Variants in LAMA2 observed in about 807,000 individuals in gnomAD.
LAMA2 encodes laminin subunit alpha-2.
In LAMA2, 269 loss-of-function variants were observed where a neutral mutation model predicts 364.8. The ratio of observed to expected loss-of-function variants is 0.74; its 90% CI spans 0.67 to 0.82. The LOEUF (loss-of-function observed/expected upper bound fraction) is 0.82. Ranked by LOEUF, LAMA2 falls within the 40% of genes least tolerant of loss-of-function variation. The pLI is 0.00. For missense variants in LAMA2, 3,807 were observed against 3,873.2 expected, an observed-to-expected ratio of 0.98 and a Z score of 0.45; for synonymous variants, 1,379 against 1,370.6, an observed-to-expected ratio of 1.01 and a Z score of -0.14.
intron 10 of LAMA2, among the ~76,000 whole-genome samples, chr6:129,186,199 G>A (rs1021194193): frequency 7.3e-5 from 11 of 151,056 alleles, no homozygotes; most frequent in African/African-American, 2.7e-4. Context: ...TTGAAGTATA[G>A]ATAAACAAAA....
chr6:129,508,838 T>A (rs1222602591), intron 62 of LAMA2, among the ~76,000 whole-genome samples: 1 of 152,124 alleles, frequency 6.6e-6, no homozygotes, highest in Non-Finnish European at 1.5e-5. Context: ...AGTGCAGATA[T>A]CTCTTCAATA....
At chr6:129,434,727 C>G (rs558388371) in intron 41 of LAMA2, among the ~76,000 whole-genome samples, 1 of 152,130 alleles carries the variant, frequency 6.6e-6, no homozygotes, top group Non-Finnish European at 1.5e-5. Context: ...TTAAAATCAG[C>G]CCAGGAGTGC....
intron 1 of LAMA2, among the ~76,000 whole-genome samples, chr6:128,947,964 T>C (rs6936443): frequency 0.13 from 19,385 of 151,988 alleles, 1,554 homozygotes; most frequent in African/African-American, 0.23. Flanking sequence ...AGAATTAGCC[T>C]TAAGGAGGAG....
chr6:129,350,449 T>G (rs1776795980), intron 31 of LAMA2, among the ~76,000 whole-genome samples: 1 of 152,206 alleles, frequency 6.6e-6, no homozygotes, highest in South Asian at 2.1e-4. Flanking sequence ...AAGGCCTGAA[T>G]GTTTACCCGC....
At chr6:129,228,966 A>G (rs1243495928) in intron 12 of LAMA2, among the ~76,000 whole-genome samples, 1 of 152,200 alleles carries the variant, frequency 6.6e-6, no homozygotes, top group Non-Finnish European at 1.5e-5. Context: ...GTGTGTATGT[A>G]TTGAATTTGT....
intron 31 of LAMA2, among the ~76,000 whole-genome samples, chr6:129,352,116 C>G (rs1776884007): frequency 6.6e-6 from 1 of 152,134 alleles, no homozygotes; most frequent in Non-Finnish European, 1.5e-5. Context: ...TTACACTGAC[C>G]ATATATAAAA....
At position 128,998,533 on chromosome 6, in the gene LAMA2, G is replaced by A. The variant is rs1316580076; in HGVS notation, c.113-51385G>A. On this transcript the variant is annotated intron_variant, in intron 1 of 64. Coordinates refer to ENST00000421865, the MANE Select transcript of LAMA2 (RefSeq NM_000426.4). ...TGCCAGACAGTGGGCGCAGGCCAGTGTGTGTGCGCACCGTGCGCGAGCCGA... is the reference window on the plus strand; with the variant it reads ...TGCCAGACAGTGGGCGCAGGCCAGTATGTGTGCGCACCGTGCGCGAGCCGA... Among the ~76,000 whole-genome samples, 2 of 105,258 alleles carry A rather than the reference G, an allele frequency of 1.9e-5. 1 individual carries two copies. The highest frequency in any genetic ancestry group is 3.7e-5 in the Non-Finnish European group (2 of 54,116). The allele number at this position is 105,258 out of a possible 152,430, so 69.1% of individuals were successfully genotyped here.
chr6:128,887,919 A>G (rs1018502379), intron 1 of LAMA2, among the ~76,000 whole-genome samples: 1 of 152,176 alleles, frequency 6.6e-6, no homozygotes, highest in Non-Finnish European at 1.5e-5. Flanking sequence ...TTTGCAACTT[A>G]TCATCTATCC....
At chr6:129,229,407 C>T (rs1784532109) in intron 12 of LAMA2, among the ~76,000 whole-genome samples, 1 of 152,048 alleles carries the variant, frequency 6.6e-6, no homozygotes, top group Admixed American at 6.6e-5. Context: ...TTCAAAGACC[C>T]TCAAGGATGG....
chr6:128,929,452 C>T (rs1013373689), intron 1 of LAMA2: 14 of 839,970 alleles, frequency 1.7e-5, no homozygotes, highest in Non-Finnish European at 3.0e-5. Flanking sequence ...GACGGTGAGT[C>T]TCAGGAAAGA....
At chr6:129,501,258 G>T (rs1338964680) in intron 58 of LAMA2, among the ~76,000 whole-genome samples, 3 of 152,150 alleles carry the variant, frequency 2.0e-5, no homozygotes, top group Non-Finnish European at 4.4e-5. Context: ...TAAGAAAGGT[G>T]CCACATGCTG....
rs142476806 is a variant in LAMA2, at chr6:129,506,973, C to A, written c.8704-516C>A. ...TTCCTTGAACCCCCAATGTTTCATGCAAACTTTCAAGTTTTATGCATATTT... is the reference window on the plus strand; with the variant it reads ...TTCCTTGAACCCCCAATGTTTCATGAAAACTTTCAAGTTTTATGCATATTT... On this transcript the variant is annotated intron_variant, in intron 61 of 64. Coordinates refer to ENST00000421865, the MANE Select transcript of LAMA2 (RefSeq NM_000426.4). Among the ~76,000 whole-genome samples, 1,261 of 152,136 alleles carry A rather than the reference C, an allele frequency of 8.3e-3. 10 individuals are homozygous for A. The highest frequency in any genetic ancestry group is 0.014 in the Non-Finnish European group (942 of 67,974).
chr6:129,107,913 T>TC (rs1361287897), intron 4 of LAMA2, among the ~76,000 whole-genome samples: 19 of 152,054 alleles, frequency 1.2e-4, no homozygotes, highest in African/African-American at 3.4e-4. Context: ...AGCTCAGGAG[T>TC]CCCCCCTCCT....
chr6:129,153,451 T>C (rs1324876967), intron 7 of LAMA2, among the ~76,000 whole-genome samples: 1 of 152,200 alleles, frequency 6.6e-6, no homozygotes, highest in African/African-American at 2.4e-5. Flanking sequence ...GTAAACTAGC[T>C]CTCGGTTTGT....
intron 4 of LAMA2, among the ~76,000 whole-genome samples, chr6:129,129,321 A>G (rs994924223): frequency 6.6e-6 from 1 of 152,198 alleles, no homozygotes; most frequent in African/African-American, 2.4e-5. Context: ...GAATTTATAA[A>G]CTCTGGAATG....
intron 40 of LAMA2, among the ~76,000 whole-genome samples, chr6:129,415,847 C>T (rs1225620796): frequency 2.0e-5 from 3 of 150,896 alleles, no homozygotes; most frequent in African/African-American, 7.3e-5. Context: ...CCTTATCTCA[C>T]AAAAAAGAAA....
At chr6:129,228,901 A>G (rs1391872139) in intron 12 of LAMA2, among the ~76,000 whole-genome samples, 1 of 152,220 alleles carries the variant, frequency 6.6e-6, no homozygotes, top group Non-Finnish European at 1.5e-5. Flanking sequence ...AACTATTACA[A>G]AAGTAATTTT....
intron 1 of LAMA2, among the ~76,000 whole-genome samples, chr6:128,948,700 T>TC (rs35757125): frequency 6.6e-6 from 1 of 152,148 alleles, no homozygotes; most frequent in Non-Finnish European, 1.5e-5. Flanking sequence ...TGTAGCACCA[T>TC]CCCCTTGGTG....
At chr6:129,476,246 A>T (rs67603776) in intron 53 of LAMA2, among the ~76,000 whole-genome samples, 29,059 of 152,120 alleles carry the variant, frequency 0.19, 3,012 homozygotes, top group African/African-American at 0.28. Context: ...TGATCCAAGA[A>T]ATTTTTAAAA....
Sources: gnomAD v4.1 joint callset for allele counts (sites outside exome capture counted in the v4.1 genomes callset) on GRCh38, gnomAD v4.1.1 for gene constraint, MANE v1.5 for transcripts, NCBI Gene and HGNC (gene_info 2026-07-23, HGNC 2026-07-21) for gene names.